The following NPY2R variants were observed in gnomAD, a reference collection of about 807,000 sequenced individuals.
NPY2R encodes the protein neuropeptide Y receptor type 2.
NPY2R carries 17 observed loss-of-function variants against 22.3 expected under a neutral mutation model. The observed-to-expected ratio is 0.76, with a 90% CI of 0.52 to 1.14. The LOEUF (loss-of-function observed/expected upper bound fraction) is 1.14. NPY2R is among the 50% of genes most tolerant of loss of function. The pLI, the probability that NPY2R is intolerant of heterozygous loss-of-function variation, is 0.00. For missense variants in NPY2R, 424 were observed against 467.9 expected, an observed-to-expected ratio of 0.91 and a Z score of 0.87; for synonymous variants, 209 against 183.4, an observed-to-expected ratio of 1.14 and a Z score of -1.13.
chr4:155,213,721 T>C (rs1343392483), intron 1 of NPY2R, among the ~76,000 whole-genome samples, 171 bp from the exon 2 acceptor site: 1 of 152,216 alleles, frequency 6.6e-6, no homozygotes, highest in Non-Finnish European at 1.5e-5. Context: ...AAAGGGTCTA[T>C]TTCATTAAAA....
chr4:155,209,330 G>C (rs1476874360), intron 1 of NPY2R, among the ~76,000 whole-genome samples: 2 of 152,174 alleles, frequency 1.3e-5, no homozygotes, highest in Non-Finnish European at 2.9e-5. Context: ...TTCCAGAACA[G>C]TAAGTTGTTA....
chr4:155,212,897 T>C (rs1729435189), intron 1 of NPY2R, among the ~76,000 whole-genome samples: 1 of 152,172 alleles, frequency 6.6e-6, no homozygotes, highest in Admixed American at 6.5e-5. Context: ...CCTTAGAGCA[T>C]TGAGTGGATA....
At chr4:155,174,484 A>ATATATTTTT in the NPY2R span, among the ~76,000 whole-genome samples, 1,012 of 106,000 alleles carry the variant, frequency 9.5e-3, 6 homozygotes, top group Non-Finnish European at 0.014. Context: ...ATATATATAT[A>ATATATTTTT]TTTTTTTTTT....
the NPY2R span, among the ~76,000 whole-genome samples, chr4:155,181,463 T>TA: frequency 1.5e-4 from 22 of 151,484 alleles, no homozygotes; most frequent in Admixed American, 2.6e-4. Flanking sequence ...AAAAGAGCAT[T>TA]AAAAAAAAAC....
the NPY2R span, among the ~76,000 whole-genome samples, chr4:155,188,259 A>G: frequency 1.3e-5 from 2 of 152,112 alleles, no homozygotes; most frequent in African/African-American, 2.4e-5. Context: ...CCCTAACCTC[A>G]TTCCCCATAC....
At chr4:155,196,295 G>C in the NPY2R span, among the ~76,000 whole-genome samples, 1 of 151,906 alleles carries the variant, frequency 6.6e-6, no homozygotes, top group South Asian at 2.1e-4. Flanking sequence ...CTGAGAGTAG[G>C]TTATCATGGA....
chr4:155,175,264 A>G, the NPY2R span, among the ~76,000 whole-genome samples: 2 of 152,202 alleles, frequency 1.3e-5, no homozygotes, highest in African/African-American at 4.8e-5. Flanking sequence ...ATGCAAGTTC[A>G]GTATAATCTG....
the NPY2R span, among the ~76,000 whole-genome samples, chr4:155,200,363 C>T: frequency 7.6e-6 from 1 of 130,766 alleles, no homozygotes; most frequent in Non-Finnish European, 1.6e-5. Flanking sequence ...ACAATAGATG[C>T]TGAAGAAGCT....
chr4:155,197,899 T>C, the NPY2R span, among the ~76,000 whole-genome samples: 2 of 152,116 alleles, frequency 1.3e-5, no homozygotes, highest in East Asian at 3.9e-4. Context: ...CACAACTACA[T>C]ACTAATGAGA....
the NPY2R span, among the ~76,000 whole-genome samples, chr4:155,195,974 G>A: frequency 6.6e-6 from 1 of 151,962 alleles, no homozygotes; most frequent in East Asian, 1.9e-4. Context: ...TCCAGAAAAC[G>A]AAAGTTTTAT....
At position 155,214,198 on chromosome 4, in the gene NPY2R, T is replaced by A. The variant is rs144160377; in HGVS notation, c.259T>A (p.Phe87Ile). The change falls in exon 2 of 2, where the codon TTT (phenylalanine) becomes ATT (isoleucine). Residue 87 changes from phenylalanine (F) to isoleucine (I), a missense_variant. Physicochemically the swap from Phe to Ile is conservative, Grantham distance 21. Coordinates refer to ENST00000329476, the MANE Select transcript of NPY2R (RefSeq NM_000910.4). ...CAAGAGCATGCGCACAGTAACCAAC[T>A]TTTTCATTGCCAATCTGGCTGTGGC... ...KFKSMRTVTN[F>I]FIANLAVADL... 871 of 1,614,128 alleles carry A rather than the reference T, an allele frequency of 5.4e-4. No homozygotes were observed. The highest frequency in any genetic ancestry group is 7.2e-4 in the Non-Finnish European group (850 of 1,179,988).
the NPY2R span, among the ~76,000 whole-genome samples, chr4:155,193,953 T>G: frequency 6.6e-6 from 1 of 151,908 alleles, no homozygotes; most frequent in Non-Finnish European, 1.5e-5. Context: ...CACATTAAAA[T>G]GTGAAATTGA....
At chr4:155,199,684 A>G in the NPY2R span, among the ~76,000 whole-genome samples, 3 of 152,152 alleles carry the variant, frequency 2.0e-5, no homozygotes, top group African/African-American at 4.8e-5. Flanking sequence ...GACCAATGGA[A>G]CAGAACAGAG....
upstream of NPY2R, among the ~76,000 whole-genome samples, chr4:155,205,262 T>G (rs1318009984): frequency 6.6e-6 from 1 of 152,226 alleles, no homozygotes; most frequent in Non-Finnish European, 1.5e-5. Context: ...GAAAGTTCTG[T>G]GGGACTGCAT....
chr4:155,194,325 T>G, the NPY2R span, among the ~76,000 whole-genome samples: 2 of 150,014 alleles, frequency 1.3e-5, no homozygotes, highest in Non-Finnish European at 3.0e-5. Flanking sequence ...TGGGGTTTGG[T>G]GTACCAATGA....
chr4:155,200,836 C>G, the NPY2R span, among the ~76,000 whole-genome samples: 8,589 of 152,004 alleles, frequency 0.057, 513 homozygotes, highest in African/African-American at 0.16. Flanking sequence ...GGGAACAACA[C>G]ACACTAGGAC....
chr4:155,196,803 T>C, the NPY2R span, among the ~76,000 whole-genome samples: 1 of 151,906 alleles, frequency 6.6e-6, no homozygotes, highest in African/African-American at 2.4e-5. Context: ...ATCATCTGTA[T>C]ACTTATAAAG....
upstream of NPY2R, among the ~76,000 whole-genome samples, chr4:155,206,154 C>A (rs1314440473): frequency 1.3e-5 from 2 of 152,160 alleles, no homozygotes; most frequent in Non-Finnish European, 2.9e-5. Flanking sequence ...CCTAACCATG[C>A]AGGCATCTGA....
At chr4:155,207,818 GGA>G (rs10687269), upstream of NPY2R, 26 of 150,962 alleles carry the variant, frequency 1.7e-4, no homozygotes, top group Non-Finnish European at 2.5e-4. Context: ...TCAGCTATCT[GGA>G]GAGAGAGAGA....
Sources: gnomAD v4.1 joint callset for allele counts (sites outside exome capture counted in the v4.1 genomes callset) on GRCh38, gnomAD v4.1.1 for gene constraint, MANE v1.5 for transcripts, NCBI Gene and HGNC (gene_info 2026-07-23, HGNC 2026-07-21) for gene names.